LYPLAL1: variants seen among roughly 807,000 people sequenced by gnomAD.
LYPLAL1 encodes the protein lysophospholipase-like protein 1.
LYPLAL1 carries 23 observed loss-of-function variants against 19.7 expected under a neutral mutation model. The observed-to-expected ratio is 1.17, with a 90% confidence interval of 0.84 to 1.65. LYPLAL1 has a LOEUF of 1.65. Among genes scored for constraint, LYPLAL1 ranks in the 40% most tolerant of loss-of-function variants. The pLI is 0.00. For missense variants in LYPLAL1, 355 were observed against 279.4 expected, an observed-to-expected ratio of 1.27 and a Z score of -1.93; for synonymous variants, 119 against 96.3, an observed-to-expected ratio of 1.24 and a Z score of -1.38.
chr1:219,431,632 T>C, the LYPLAL1 span, among the ~76,000 whole-genome samples: 1 of 152,216 alleles, frequency 6.6e-6, no homozygotes, highest in Non-Finnish European at 1.5e-5. Context: ...GACAATTTCT[T>C]AGCAATCCAT....
the LYPLAL1 span, among the ~76,000 whole-genome samples, chr1:219,425,820 G>T: frequency 6.6e-6 from 1 of 151,962 alleles, no homozygotes; most frequent in African/African-American, 2.4e-5. Context: ...ATGTCATTAC[G>T]CTTGAGCTAT....
Position 219,197,378 on chromosome 1 carries a change from A to C in LYPLAL1, c.361+4127A>C, listed in dbSNP as rs369148441. Among the ~76,000 whole-genome samples the C allele has an allele frequency of 3.9e-5, 6 of 152,310 alleles. No individual in the cohort carries two copies. The East Asian group carries it at 9.6e-4, about 24-fold the overall frequency. ...ATCTGACAAAAACAAACAGTGGGGAAAGGATTCCCTATTTAATAAATGGTG... is the reference window on the plus strand; with the variant it reads ...ATCTGACAAAAACAAACAGTGGGGACAGGATTCCCTATTTAATAAATGGTG... On this transcript the variant is annotated intron_variant, in intron 3 of 4. Coordinates refer to ENST00000366928, the MANE Select transcript of LYPLAL1 (RefSeq NM_138794.5).
chr1:219,304,814 G>C, the LYPLAL1 span, among the ~76,000 whole-genome samples: 1 of 152,128 alleles, frequency 6.6e-6, no homozygotes, highest in African/African-American at 2.4e-5. Flanking sequence ...GGAATTAAAG[G>C]CTAGTCTACA....
chr1:219,188,739 A>G (rs1656922018), intron 2 of LYPLAL1, among the ~76,000 whole-genome samples: 1 of 150,312 alleles, frequency 6.7e-6, no homozygotes, highest in Admixed American at 6.6e-5. Flanking sequence ...ACCAATGTGT[A>G]ATGGGTTGGT....
the LYPLAL1 span, among the ~76,000 whole-genome samples, chr1:219,410,892 G>C: frequency 6.6e-6 from 1 of 152,222 alleles, no homozygotes; most frequent in African/African-American, 2.4e-5. Flanking sequence ...TTCCCACGGG[G>C]CAGGGCTCGG....
chr1:219,286,009 T>C, the LYPLAL1 span, among the ~76,000 whole-genome samples: 4 of 152,192 alleles, frequency 2.6e-5, no homozygotes, highest in African/African-American at 9.6e-5. Context: ...GCTAGAGATA[T>C]ACACACACAC....
the LYPLAL1 span, among the ~76,000 whole-genome samples, chr1:219,306,777 G>GATAA: frequency 6.6e-6 from 1 of 151,082 alleles, no homozygotes; most frequent in African/African-American, 2.4e-5. Flanking sequence ...TAGATAGATA[G>GATAA]ATAGATAGAT....
the LYPLAL1 span, among the ~76,000 whole-genome samples, chr1:219,437,917 C>T: frequency 1.3e-5 from 2 of 152,062 alleles, no homozygotes; most frequent in East Asian, 3.9e-4. Context: ...CAGGCGCCCA[C>T]CACCACGCCT....
At chr1:219,244,151 A>G in the LYPLAL1 span, among the ~76,000 whole-genome samples, 8 of 152,292 alleles carry the variant, frequency 5.3e-5, no homozygotes, top group African/African-American at 7.2e-5. Flanking sequence ...TGGAAAACCA[A>G]TGCTCAAAGA....
the LYPLAL1 span, among the ~76,000 whole-genome samples, chr1:219,246,712 G>T: frequency 3.3e-5 from 5 of 152,270 alleles, no homozygotes; most frequent in South Asian, 8.3e-4. Context: ...TCAGCCTCCT[G>T]AGTAGCTGGG....
At chr1:219,440,986 G>A in the LYPLAL1 span, among the ~76,000 whole-genome samples, 2 of 152,272 alleles carry the variant, frequency 1.3e-5, no homozygotes, top group East Asian at 1.9e-4. Context: ...GAATGTGATT[G>A]AGCCTCTAGA....
chr1:219,331,581 C>G, the LYPLAL1 span, among the ~76,000 whole-genome samples: 1 of 152,180 alleles, frequency 6.6e-6, no homozygotes, highest in Non-Finnish European at 1.5e-5. Flanking sequence ...TGGCAACTGT[C>G]ATTTATGCAC....
chr1:219,200,816 G>A (rs1263434301), intron 3 of LYPLAL1, among the ~76,000 whole-genome samples: 1 of 152,196 alleles, frequency 6.6e-6, no homozygotes, highest in African/African-American at 2.4e-5. Context: ...GATATATATG[G>A]CAAGGTCTGG....
the LYPLAL1 span, among the ~76,000 whole-genome samples, chr1:219,255,058 TATTA>T: frequency 1.3e-4 from 20 of 152,054 alleles, no homozygotes; most frequent in Non-Finnish European, 1.5e-4. Flanking sequence ...TTTATTCTGC[TATTA>T]ATTATTTCTT....
At chr1:219,378,145 G>T in the LYPLAL1 span, among the ~76,000 whole-genome samples, 1 of 152,178 alleles carries the variant, frequency 6.6e-6, no homozygotes, top group Admixed American at 6.5e-5. Flanking sequence ...TTAGCTGGAT[G>T]AAGTCAGGAA....
chr1:219,255,829 A>G, the LYPLAL1 span, among the ~76,000 whole-genome samples: 2,281 of 152,040 alleles, frequency 0.015, 66 homozygotes, highest in African/African-American at 0.052. Flanking sequence ...ATATTTTTCT[A>G]TATCTATAAA....
the LYPLAL1 span, among the ~76,000 whole-genome samples, chr1:219,306,963 T>C: frequency 2.0e-5 from 3 of 150,526 alleles, no homozygotes; most frequent in African/African-American, 7.3e-5. Context: ...AATACATTAG[T>C]TGATAAGCTG....
At chr1:219,241,098 A>ATCTCTCTCTC in the LYPLAL1 span, among the ~76,000 whole-genome samples, 114 of 59,088 alleles carry the variant, frequency 1.9e-3, 1 homozygote, top group South Asian at 3.0e-3. Flanking sequence ...AATATATATA[A>ATCTCTCTCTC]TCTCTCTCTC....
the LYPLAL1 span, among the ~76,000 whole-genome samples, chr1:219,279,938 G>A: frequency 3.3e-5 from 5 of 152,034 alleles, no homozygotes; most frequent in African/African-American, 9.7e-5. Context: ...AAAAAAATGG[G>A]GTAGAAGAAA....
Sources: gnomAD v4.1 joint callset for allele counts (sites outside exome capture counted in the v4.1 genomes callset) on GRCh38, gnomAD v4.1.1 for gene constraint, MANE v1.5 for transcripts, NCBI Gene and HGNC (gene_info 2026-07-23, HGNC 2026-07-21) for gene names.